The following CPLX2 variants were observed in gnomAD, a reference collection of about 807,000 sequenced individuals.
CPLX2 encodes the protein complexin 2, also known as complexin-2.
In CPLX2, 5 loss-of-function variants were observed where a neutral mutation model predicts 16.3. The observed-to-expected ratio is 0.31, with a 90% CI of 0.16 to 0.64. The LOEUF is 0.64. CPLX2 is among the 30% of genes least tolerant of loss of function. The probability of loss-of-function intolerance (pLI) is 0.79; values close to 1 mark genes in which losing one functional copy is unlikely to be tolerated. For synonymous variants in CPLX2, 89 were observed against 73.2 expected (o/e 1.22, Z -1.10); for missense variants, 144 against 181.4 (o/e 0.79, Z 1.18).
intron 2 of CPLX2, among the ~76,000 whole-genome samples, chr5:175,828,150 C>G (rs1394583887): frequency 6.6e-6 from 1 of 152,228 alleles, no homozygotes; most frequent in Non-Finnish European, 1.5e-5. Flanking sequence ...TTTGTCTTCA[C>G]TGATAAAAAA....
chr5:175,866,582 G>T (rs1460532831), upstream of CPLX2, among the ~76,000 whole-genome samples: 1 of 152,146 alleles, frequency 6.6e-6, no homozygotes, highest in East Asian at 1.9e-4. Context: ...GCCTGAATCT[G>T]GGAGGGTGGG....
intron 2 of CPLX2, among the ~76,000 whole-genome samples, chr5:175,820,781 C>T (rs1758491925): frequency 6.6e-6 from 1 of 152,222 alleles, no homozygotes. Flanking sequence ...CACCAGCTCC[C>T]TCCCTTCATG....
At chr5:175,799,845 ACTTT>A (rs1758060491) in intron 1 of CPLX2, among the ~76,000 whole-genome samples, 1 of 151,076 alleles carries the variant, frequency 6.6e-6, no homozygotes, top group Non-Finnish European at 1.5e-5. Flanking sequence ...CCTTCCATAT[ACTTT>A]CTAAGTAACT....
chr5:175,860,581 GGGAGGGAAGGAA>G (rs1366818604), intron 2 of CPLX2, among the ~76,000 whole-genome samples: 117 of 78,554 alleles, frequency 1.5e-3, no homozygotes, highest in East Asian at 9.2e-3. Context: ...GAGGGAGGGA[GGGAGGGAAGGAA>G]GGAAGGAAGG....
intron 2 of CPLX2, among the ~76,000 whole-genome samples, chr5:175,834,875 AAAAC>A (rs1166178461): frequency 6.6e-5 from 10 of 152,164 alleles, no homozygotes; most frequent in Non-Finnish European, 1.5e-4. Flanking sequence ...TCCTGTCTCA[AAAAC>A]AAACAAACAA....
At chr5:175,807,904 G>A (rs935301950) in intron 1 of CPLX2, among the ~76,000 whole-genome samples, 2 of 152,172 alleles carry the variant, frequency 1.3e-5, no homozygotes, top group Non-Finnish European at 2.9e-5. Flanking sequence ...ACTCTATACT[G>A]TCTCCCTGAT....
chr5:175,858,023 G>C (rs550238637), intron 2 of CPLX2, among the ~76,000 whole-genome samples: 5 of 152,374 alleles, frequency 3.3e-5, no homozygotes, highest in Non-Finnish European at 5.9e-5. Flanking sequence ...TGCAAGGAAA[G>C]TGTCAACATC....
intron 1 of CPLX2, among the ~76,000 whole-genome samples, chr5:175,797,871 A>G (rs1758022005): frequency 6.6e-6 from 1 of 152,236 alleles, no homozygotes; most frequent in South Asian, 2.1e-4. Context: ...GTTCCCAAAC[A>G]GGGAAGCCAG....
At chr5:175,829,734 A>C (rs1758695775) in intron 2 of CPLX2, among the ~76,000 whole-genome samples, 1 of 152,148 alleles carries the variant, frequency 6.6e-6, no homozygotes, top group Non-Finnish European at 1.5e-5. Flanking sequence ...CCACTGCACA[A>C]ATGAAGAAAC....
At position 175,809,623 on chromosome 5, in the gene CPLX2, T is replaced by A. The variant is rs919907971; in HGVS notation, c.-89+555T>A. Among the ~76,000 whole-genome samples, 4 of 151,930 alleles carry A rather than the reference T, an allele frequency of 2.6e-5. No individual in the cohort carries two copies. Among genetic ancestry groups the A allele is most frequent in the African/African-American group, 9.7e-5 (4 of 41,342 alleles). On this transcript the variant is annotated intron_variant, in intron 2 of 4. Transcript: ENST00000359546. This position sits in a 1 kb window ranked among gnomAD's most constrained non-coding sequence, Gnocchi z 4.4. ...GCACTGATGAGCTCAACATCCCCCA[T>A]GCCACCCCCTCCCCAGCCCAGGATC...
chr5:175,846,814 G>T (rs760808910), intron 2 of CPLX2, among the ~76,000 whole-genome samples: 6 of 152,028 alleles, frequency 3.9e-5, no homozygotes, highest in East Asian at 1.9e-4. Flanking sequence ...AATCCCTCCC[G>T]GGCTGCTGGA....
chr5:175,840,199 A>G (rs1160699213), intron 2 of CPLX2, among the ~76,000 whole-genome samples: 3 of 152,118 alleles, frequency 2.0e-5, no homozygotes, highest in African/African-American at 7.2e-5. Flanking sequence ...AGCATAAAAC[A>G]TATGTTTTTT....
At chr5:175,876,929 G>C in intron 1 of CPLX2, among the ~76,000 whole-genome samples, 1 of 152,164 alleles carries the variant, frequency 6.6e-6, no homozygotes, top group Non-Finnish European at 1.5e-5. Context: ...TTAGGAGGGT[G>C]GGTTCTCTTG....
At chr5:175,878,806 G>C in intron 2 of CPLX2, 36 bp downstream of exon 2, 1 of 1,611,784 alleles carries the variant, frequency 6.2e-7, no homozygotes, top group Non-Finnish European at 8.5e-7. Context: ...TCCTCAGCCG[G>C]TCCCACCCTT....
chr5:175,812,816 A>G (rs1758337165), intron 2 of CPLX2, among the ~76,000 whole-genome samples: 1 of 152,246 alleles, frequency 6.6e-6, no homozygotes, highest in African/African-American at 2.4e-5. Context: ...AATCCATTTC[A>G]ACCACAAAAG....
At chr5:175,827,842 C>T (rs1309837281) in intron 2 of CPLX2, among the ~76,000 whole-genome samples, 2 of 152,202 alleles carry the variant, frequency 1.3e-5, no homozygotes, top group Non-Finnish European at 2.9e-5. Flanking sequence ...AAAAAACCAA[C>T]TGCAACTATT....
upstream of CPLX2, chr5:175,871,431 GACA>G (rs1759598353): frequency 1.3e-5 from 1 of 79,628 alleles, no homozygotes; most frequent in Admixed American, 1.3e-4. Flanking sequence ...GAGAGAGAGA[GACA>G]GAGAGAGAGA....
chr5:175,879,064 G>A lies in CPLX2; in HGVS notation c.188G>A (p.Arg63Gln). 2 of 1,578,728 alleles carry A rather than the reference G, an allele frequency of 1.3e-6. No individual in the cohort carries two copies. Among genetic ancestry groups the A allele is most frequent in the Non-Finnish European group, 1.7e-6 (2 of 1,162,894 alleles). ...ATGGAGGCGGAGCGGGAGAAGGTCCGGCAGCAGATCCGAGATAAGGTCAGC... is the reference window on the plus strand; with the variant it reads ...ATGGAGGCGGAGCGGGAGAAGGTCCAGCAGCAGATCCGAGATAAGGTCAGC... Reference protein sequence around the residue: ...ARMEAEREKVRQQIRDKYGLK... With the variant: ...ARMEAEREKVQQQIRDKYGLK... The change falls in exon 3 of 4, where the codon CGG becomes CAG. Residue 63 changes from arginine (R) to glutamine (Q), a missense_variant. Transcript: ENST00000393745.
chr5:175,846,009 G>C (rs886080202), intron 2 of CPLX2, among the ~76,000 whole-genome samples: 1 of 152,144 alleles, frequency 6.6e-6, no homozygotes, highest in East Asian at 1.9e-4. Flanking sequence ...CGAGACCTTA[G>C]TGAGGGCACT....
Sources: allele counts gnomAD v4.1 joint callset (sites outside exome capture counted in the v4.1 genomes callset), GRCh38; gene constraint gnomAD v4.1.1; non-coding constraint Gnocchi (gnomAD v3.1); transcripts MANE v1.5; gene names NCBI Gene and HGNC (gene_info 2026-07-23, HGNC 2026-07-21).